Variants in NCALD observed in about 807,000 individuals in gnomAD.
NCALD encodes the protein neurocalcin-delta.
In NCALD, 10 loss-of-function variants were observed where a neutral mutation model predicts 18.6. The ratio of observed to expected loss-of-function variants is 0.54; its 90% confidence interval spans 0.33 to 0.91. The LOEUF (loss-of-function observed/expected upper bound fraction) is 0.91. Ranked by LOEUF, NCALD falls within the 40% of genes least tolerant of loss-of-function variation. The probability of loss-of-function intolerance (pLI) is 0.03; values close to 1 mark genes in which losing one functional copy is unlikely to be tolerated. For synonymous variants in NCALD, 88 were observed against 87.4 expected (o/e 1.01, Z -0.04); for missense variants, 184 against 247.6 (o/e 0.74, Z 1.72).
At chr8:102,005,714 C>T (rs549891234) in intron 2 of NCALD, among the ~76,000 whole-genome samples, 3 of 152,206 alleles carry the variant, frequency 2.0e-5, no homozygotes, top group East Asian at 3.9e-4. Flanking sequence ...ATGATGACTT[C>T]GTGTCCTTTG....
At chr8:101,742,383 T>C (rs1160332164) in intron 1 of NCALD, among the ~76,000 whole-genome samples, 1 of 152,238 alleles carries the variant, frequency 6.6e-6, no homozygotes, top group East Asian at 1.9e-4. Flanking sequence ...TCATGAATTA[T>C]GATGTGCAAC....
intron 1 of NCALD, among the ~76,000 whole-genome samples, chr8:101,779,545 A>T (rs1161555865): frequency 2.0e-5 from 3 of 152,190 alleles, no homozygotes; most frequent in Non-Finnish European, 4.4e-5. Context: ...AATGTAAAAA[A>T]CACTGGTATT....
chr8:101,956,893 C>T (rs1387949737), intron 2 of NCALD, among the ~76,000 whole-genome samples: 1 of 152,086 alleles, frequency 6.6e-6, no homozygotes, highest in Non-Finnish European at 1.5e-5. Flanking sequence ...TGCATTCTAC[C>T]TGAAGTTTAC....
chr8:101,950,948 T>G (rs1819391808), intron 2 of NCALD, among the ~76,000 whole-genome samples: 2 of 152,200 alleles, frequency 1.3e-5, no homozygotes. Flanking sequence ...TACTAAACAC[T>G]ACAGTGTGTA....
chr8:101,770,822 GT>G (rs1811556728), intron 1 of NCALD, among the ~76,000 whole-genome samples: 1 of 152,094 alleles, frequency 6.6e-6, no homozygotes, highest in Non-Finnish European at 1.5e-5. Context: ...CTTTATGCGG[GT>G]TGAAGACTGT....
chr8:101,781,401 G>A (rs1454335156), intron 1 of NCALD, among the ~76,000 whole-genome samples: 1 of 152,084 alleles, frequency 6.6e-6, no homozygotes, highest in Non-Finnish European at 1.5e-5. Context: ...CTCACCAAGG[G>A]TTCCCTCACC....
At chr8:102,115,596 G>A (rs1035557378) in intron 1 of NCALD, among the ~76,000 whole-genome samples, 1 of 152,310 alleles carries the variant, frequency 6.6e-6, no homozygotes, top group East Asian at 1.9e-4. Context: ...TTATGTGCCC[G>A]ATGTACACAG....
Position 101,689,251 on chromosome 8 carries a change from A to G in NCALD, c.*58T>C. ...GGCAAAAAAAAAAAAAAATTGTTAA[A>G]AAGAAGAATCAAAAGGGAACACAAG... is the stretch of plus-strand genomic sequence containing the variant. On this transcript the variant is annotated 3_prime_UTR_variant, in exon 4 of 4. Coordinates refer to ENST00000220931, the MANE Select transcript of NCALD (RefSeq NM_032041.3). This position sits in a 1 kb window ranked among gnomAD's most constrained non-coding sequence, Gnocchi z 4.4. The G allele has an allele frequency of 3.2e-6, 5 of 1,547,502 alleles. No homozygotes were observed. Among genetic ancestry groups the G allele is most frequent in the Non-Finnish European group, 4.4e-6 (5 of 1,136,274 alleles).
intron 2 of NCALD, among the ~76,000 whole-genome samples, chr8:102,003,131 AG>A (rs1821544998): frequency 6.6e-6 from 1 of 152,242 alleles, no homozygotes; most frequent in Non-Finnish European, 1.5e-5. Flanking sequence ...ATAGACCACT[AG>A]CAAGACTAAT....
intron 3 of NCALD, among the ~76,000 whole-genome samples, chr8:101,903,582 G>C (rs1563880235): frequency 1.3e-5 from 2 of 152,144 alleles, no homozygotes; most frequent in Non-Finnish European, 2.9e-5. Context: ...AAATGTTGCT[G>C]TTCTCTGGAG....
chr8:101,758,127 T>C (rs143728519), intron 1 of NCALD, among the ~76,000 whole-genome samples: 274 of 152,250 alleles, frequency 1.8e-3, no homozygotes, highest in African/African-American at 6.2e-3. Context: ...ACTTTCCTGC[T>C]CACCAATACC....
chr8:101,736,068 G>T (rs890669480), intron 1 of NCALD, among the ~76,000 whole-genome samples: 3 of 152,178 alleles, frequency 2.0e-5, no homozygotes, highest in African/African-American at 7.2e-5. Context: ...ACCAGCGGGA[G>T]ACTCAAACCA....
chr8:101,892,446 C>T (rs879083265), intron 3 of NCALD, among the ~76,000 whole-genome samples: 7 of 149,294 alleles, frequency 4.7e-5, no homozygotes, highest in African/African-American at 1.3e-4. Flanking sequence ...AACTCTAAAA[C>T]GCAGAGTGCC....
chr8:101,691,844 C>A (rs1017115204), intron 3 of NCALD: 2 of 985,248 alleles, frequency 2.0e-6, no homozygotes, highest in Non-Finnish European at 2.4e-6. Context: ...GTGGGGGACC[C>A]AAGTGCCTGT....
chr8:101,898,062 G>C (rs889542845), intron 3 of NCALD, among the ~76,000 whole-genome samples: 1 of 152,172 alleles, frequency 6.6e-6, no homozygotes, highest in South Asian at 2.1e-4. Context: ...GGACATGTTT[G>C]CTTCCCCTTC....
At chr8:101,702,278 T>G (rs1303378734) in intron 2 of NCALD, among the ~76,000 whole-genome samples, 3 of 151,988 alleles carry the variant, frequency 2.0e-5, no homozygotes, top group Non-Finnish European at 4.4e-5. Context: ...TCTCCCAGGC[T>G]GGAATGCAGT....
chr8:101,949,021 C>T (rs1420380164), intron 2 of NCALD, among the ~76,000 whole-genome samples: 1 of 152,132 alleles, frequency 6.6e-6, no homozygotes, highest in Non-Finnish European at 1.5e-5. Flanking sequence ...TTACAGAAAA[C>T]ATCTTATAGA....
At chr8:101,896,615 A>G (rs1817185511) in intron 3 of NCALD, among the ~76,000 whole-genome samples, 1 of 152,026 alleles carries the variant, frequency 6.6e-6, no homozygotes, top group African/African-American at 2.4e-5. Context: ...CAACCTACTC[A>G]CCTGACAAAG....
At chr8:101,780,005 G>A (rs895555930) in intron 1 of NCALD, 7 of 151,972 alleles carry the variant, frequency 4.6e-5, no homozygotes, top group South Asian at 2.1e-4. Context: ...AAAATTAAAC[G>A]TAATGCTTTT....
Sources: allele counts gnomAD v4.1 joint callset (sites outside exome capture counted in the v4.1 genomes callset), GRCh38; gene constraint gnomAD v4.1.1; non-coding constraint Gnocchi (gnomAD v3.1); transcripts MANE v1.5; gene names NCBI Gene and HGNC (gene_info 2026-07-23, HGNC 2026-07-21).